SLC22A25: variants seen among roughly 807,000 people sequenced by gnomAD.
SLC22A25 encodes MGI:2442751, MGI:2385316, MGI:3042283, MGI:3645714, MGI:3605624, MGI:2442750.
In SLC22A25, 44 loss-of-function variants were observed where a neutral mutation model predicts 45.9. The observed-to-expected ratio is 0.96, with a 90% confidence interval of 0.75 to 1.23. SLC22A25 has a LOEUF of 1.23. SLC22A25 is among the 50% of genes most tolerant of loss of function. The pLI, the probability that SLC22A25 is intolerant of heterozygous loss-of-function variation, is 0.00. For synonymous variants in SLC22A25, 283 were observed against 238.6 expected (o/e 1.19, Z -1.72); for missense variants, 800 against 666.4 (o/e 1.20, Z -2.21).
At chr11:63,231,221 A>G (rs200079753) in intron 3 of SLC22A25, among the ~76,000 whole-genome samples, 1 of 152,300 alleles carries the variant, frequency 6.6e-6, no homozygotes, top group East Asian at 1.9e-4. Flanking sequence ...TTGAGGAGTC[A>G]CCACACTGTG....
chr11:63,231,088 G>T (rs530609781), intron 3 of SLC22A25, among the ~76,000 whole-genome samples: 1 of 152,102 alleles, frequency 6.6e-6, no homozygotes, highest in Non-Finnish European at 1.5e-5. Context: ...CTTTGCTATC[G>T]TGAATAGTGC....
chr11:63,240,128 A>ATT (rs1490476582), intron 1 of SLC22A25, among the ~76,000 whole-genome samples: 3 of 152,194 alleles, frequency 2.0e-5, no homozygotes, highest in African/African-American at 7.2e-5. Flanking sequence ...ACTGTAGGCA[A>ATT]TTATAATACA....
Position 63,183,823 on chromosome 11 carries a change from C to G in SLC22A25, c.831-6G>C, listed in dbSNP as rs2088419025. On this transcript the variant is annotated splice_region_variant and splice_polypyrimidine_tract_variant and intron_variant, in intron 7 of 11. Transcript: ENST00000306494. ...GAGCAGACTCTGCCAGCCACCTGAG[C>G]AAAGAAGAGGACAGAGGTGCAGCCA... The G allele has an allele frequency of 6.2e-7, 1 of 1,612,664 alleles. No individual in the cohort carries two copies. The highest frequency in any genetic ancestry group is 1.3e-5 in the African/African-American group (1 of 74,848).
At chr11:63,228,616 C>A (rs944378049) in intron 4 of SLC22A25, 52 bp from the exon 5 acceptor site, 3 of 1,370,876 alleles carry the variant, frequency 2.2e-6, no homozygotes, top group Non-Finnish European at 3.1e-6. Flanking sequence ...TCAGTGTAAC[C>A]TTATCAAAAT....
At chr11:63,213,792 C>A (rs1449944858) in intron 7 of SLC22A25, among the ~76,000 whole-genome samples, 2 of 152,266 alleles carry the variant, frequency 1.3e-5, no homozygotes, top group Middle Eastern at 6.8e-3. Flanking sequence ...CCGGGAAGAT[C>A]TCAGAGATAC....
At chr11:63,184,518 G>C (rs773030089) in intron 7 of SLC22A25, among the ~76,000 whole-genome samples, 8 of 152,248 alleles carry the variant, frequency 5.3e-5, no homozygotes, top group South Asian at 2.1e-4. Flanking sequence ...TCATACATTA[G>C]GGTTTGTAAA....
intron 9 of SLC22A25, among the ~76,000 whole-genome samples, chr11:63,175,883 C>T (rs556687690): frequency 9.9e-5 from 15 of 151,856 alleles, no homozygotes; most frequent in Non-Finnish European, 1.9e-4. Flanking sequence ...GCACATAACC[C>T]TTTCCTGATA....
At chr11:63,193,144 C>T (rs1313918481) in intron 7 of SLC22A25, among the ~76,000 whole-genome samples, 1 of 152,190 alleles carries the variant, frequency 6.6e-6, no homozygotes, top group African/African-American at 2.4e-5. Context: ...TCTCAGACCA[C>T]AGCACAATCT....
At chr11:63,213,825 G>A (rs568250877) in intron 7 of SLC22A25, among the ~76,000 whole-genome samples, 1 of 152,248 alleles carries the variant, frequency 6.6e-6, no homozygotes, top group East Asian at 1.9e-4. Flanking sequence ...GCCAGATGTT[G>A]AATACTTCAC....
intron 9 of SLC22A25, among the ~76,000 whole-genome samples, chr11:63,170,961 C>T (rs2087858937): frequency 6.6e-6 from 1 of 152,132 alleles, no homozygotes; most frequent in Admixed American, 6.6e-5. Flanking sequence ...AAAGCTTATC[C>T]ACCACGATTA....
At chr11:63,177,120 G>A (rs1036866855) in intron 9 of SLC22A25, among the ~76,000 whole-genome samples, 1 of 151,944 alleles carries the variant, frequency 6.6e-6, no homozygotes, top group Non-Finnish European at 1.5e-5. Flanking sequence ...TCTTATGGAG[G>A]TTCTCTTAGT....
At chr11:63,212,753 G>A (rs1172386873) in intron 7 of SLC22A25, among the ~76,000 whole-genome samples, 1 of 151,830 alleles carries the variant, frequency 6.6e-6, no homozygotes, top group East Asian at 1.9e-4. Context: ...GTATACATAT[G>A]TAACAAACCT....
At chr11:63,206,617 C>G (rs1446756207) in intron 7 of SLC22A25, among the ~76,000 whole-genome samples, 1 of 152,174 alleles carries the variant, frequency 6.6e-6, no homozygotes, top group Non-Finnish European at 1.5e-5. Flanking sequence ...TTGCAAACCA[C>G]TGCTCAAGGA....
intron 3 of SLC22A25, among the ~76,000 whole-genome samples, 66 bp from the exon 4 acceptor site, chr11:63,230,162 AAC>A (rs1413363894): frequency 2.0e-5 from 3 of 152,350 alleles, no homozygotes; most frequent in East Asian, 1.9e-4. Context: ...AGGATTAATA[AAC>A]ACAATCTGAG....
At chr11:63,210,602 G>A (rs2089531759) in intron 7 of SLC22A25, among the ~76,000 whole-genome samples, 1 of 152,262 alleles carries the variant, frequency 6.6e-6, no homozygotes, top group South Asian at 2.1e-4. Context: ...TGGCTTAGGG[G>A]GCTGAGAATT....
At chr11:63,217,891 T>C (rs566232515) in intron 5 of SLC22A25, among the ~76,000 whole-genome samples, 156 bp from the exon 6 acceptor site, 6 of 152,358 alleles carry the variant, frequency 3.9e-5, no homozygotes, top group South Asian at 2.1e-4. Flanking sequence ...TGGCAGGTCT[T>C]CTCAGAAGGA....
At chr11:63,221,799 T>C (rs887171950) in intron 5 of SLC22A25, among the ~76,000 whole-genome samples, 1 of 152,172 alleles carries the variant, frequency 6.6e-6, no homozygotes. Context: ...TTTGATTTAA[T>C]TTTTATATAT....
intron 7 of SLC22A25, among the ~76,000 whole-genome samples, chr11:63,195,751 G>A (rs908020434): frequency 2.6e-5 from 4 of 152,044 alleles, no homozygotes; most frequent in Non-Finnish European, 5.9e-5. Context: ...AAATAACTAA[G>A]ATCAGAGCAG....
rs2087532863 is a variant in SLC22A25 at position 63,161,488 on chromosome 11, A to T, written c.*2336T>A. On this transcript the variant is annotated 3_prime_UTR_variant, in exon 12 of 12. Transcript: ENST00000306494. ...GAATTGTAGCTCCCACAATTCCCAC[A>T]CATCATGGGAGGGATCCAGTGGGAG... 6.6e-6 allele frequency among the ~76,000 whole-genome samples: 1 copy of T among 152,204 alleles called. No homozygotes were observed. The highest frequency in any genetic ancestry group is 1.5e-5 in the Non-Finnish European group (1 of 68,018).
Sources: gnomAD v4.1 joint callset for allele counts (sites outside exome capture counted in the v4.1 genomes callset) on GRCh38, gnomAD v4.1.1 for gene constraint, MANE v1.5 for transcripts, NCBI Gene and HGNC (gene_info 2026-07-23, HGNC 2026-07-21) for gene names.